Variants in COQ9 observed in about 807,000 individuals in gnomAD.
COQ9 encodes coenzyme Q9.
In COQ9, 35 loss-of-function variants were observed where a neutral mutation model predicts 42.4. That is an observed-to-expected ratio of 0.83 (90% confidence interval 0.63 to 1.10). The LOEUF (loss-of-function observed/expected upper bound fraction) is 1.10. Ranked by LOEUF, COQ9 falls within the 50% of genes least tolerant of loss-of-function variation. The pLI is 0.00. For missense variants in COQ9, 406 were observed against 414.6 expected, an observed-to-expected ratio of 0.98 and a Z score of 0.18; for synonymous variants, 155 against 155.1, an observed-to-expected ratio of 1.00 and a Z score of 0.00.
intron 1 of COQ9, 123 bp from the exon 2 acceptor site, chr16:57,450,917 C>A: frequency 9.1e-7 from 1 of 1,095,834 alleles, no homozygotes; most frequent in Non-Finnish European, 1.4e-6. Context: ...GGACCCAACA[C>A]TTGGATAAGT....
At chr16:57,450,769 G>A in intron 1 of COQ9, 1 of 524,718 alleles carries the variant, frequency 1.9e-6, no homozygotes, top group South Asian at 2.1e-5. Context: ...GCACATTGGG[G>A]TGAAATTGTT....
At position 57,456,599 on chromosome 16, in the gene COQ9, A is replaced by G; in HGVS notation, c.474A>G (p.Thr158=). The G allele has an allele frequency of 1.9e-6, 3 of 1,614,156 alleles. No individual in the cohort carries two copies. The highest frequency in any genetic ancestry group is 2.5e-6 in the Non-Finnish European group (3 of 1,180,022). ...TGACCCAGTGCAATACCCGGCTCAC[A>G]CGTGTGCTAGAAGAGGAGCAGAAGC... ...HFVTQCNTRL[T]RVLEEEQKLV... The change falls in exon 4 of 9, where the codon ACA becomes ACG. Residue 158 remains threonine, a synonymous_variant. Coordinates refer to ENST00000262507, the MANE Select transcript of COQ9 (RefSeq NM_020312.4).
chr16:57,455,943 G>C (rs2030392743), intron 3 of COQ9, among the ~76,000 whole-genome samples: 1 of 152,082 alleles, frequency 6.6e-6, no homozygotes, highest in African/African-American at 2.4e-5. Context: ...GCCAGATGCG[G>C]TGGCGCATAC....
intron 1 of COQ9, among the ~76,000 whole-genome samples, chr16:57,449,650 T>TAC (rs1196124110): frequency 2.3e-4 from 35 of 152,090 alleles, no homozygotes; most frequent in South Asian, 6.2e-4. Flanking sequence ...TATATATATA[T>TAC]ACACACACAT....
rs762508784 is a variant in COQ9, at chr16:57,451,199, C to T, written c.233C>T (p.Ser78Leu). Residue 78 changes from serine (S) to leucine (L), a missense_variant, in exon 2 of 9, where the codon TCA (serine) becomes TTA (leucine). Physicochemically the swap from Ser to Leu is moderately radical, Grantham distance 145 (BLOSUM62 -2). Transcript: ENST00000262507. The stretch of plus-strand genomic sequence containing the variant: ...AAACCTGATCCAGAGTCTTCTCATT[C>T]ACCCCCCAGGTAGGCACCAATCCAC... ...AEKPDPESSH[S>L]PPRYTDQGGE... 1 of 1,614,216 alleles carries T rather than the reference C, an allele frequency of 6.2e-7. No individual in the cohort carries two copies. The highest frequency in any genetic ancestry group is 1.7e-5 in the Admixed American group (1 of 60,026).
chr16:57,459,740 T>A lies in COQ9; in HGVS notation c.867+20T>A. 1 of 1,613,776 alleles carries A rather than the reference T, an allele frequency of 6.2e-7. No individual in the cohort carries two copies. The highest frequency in any genetic ancestry group is 8.5e-7 in the Non-Finnish European group (1 of 1,179,690). ...AAGCAGGTAGGTGGGGACTAGCCAT[T>A]GGGGAACCCTCTTTAGAAGGCATAC... On this transcript the variant is annotated intron_variant, in intron 7 of 8. Transcript: ENST00000262507.
At chr16:57,450,995 G>A in intron 1 of COQ9, 45 bp from the exon 2 acceptor site, 1 of 1,608,598 alleles carries the variant, frequency 6.2e-7, no homozygotes, top group Non-Finnish European at 8.5e-7. Context: ...GGTCTGAAAG[G>A]GTCTTCTCTG....
At position 57,451,162 on chromosome 16, in the gene COQ9, C is replaced by T. The variant is rs770175074; in HGVS notation, c.196C>T (p.Gln66Ter). The change falls in exon 2 of 9, where the codon CAG (glutamine) becomes TAG (stop). Residue 66 changes from glutamine to a stop codon, truncating the protein, a stop_gained. Transcript: ENST00000262507. LOFTEE classifies it high-confidence loss of function. ...ATTTTCTCAGCAGCATTCTGAGACA[C>T]AGGGGGCAGAAAAACCTGATCCAGA... The part of the protein sequence containing the change: ...NSFSQQHSET[Q>*]GAEKPDPESS... 1 of 1,614,096 alleles carries T rather than the reference C, an allele frequency of 6.2e-7. No individual in the cohort carries two copies. The highest frequency in any genetic ancestry group is 1.3e-5 in the African/African-American group (1 of 74,928).
At chr16:57,458,047 C>A (rs769413012) in intron 5 of COQ9, 199 bp from the exon 6 acceptor site, 2 of 611,818 alleles carry the variant, frequency 3.3e-6, no homozygotes, top group African/African-American at 1.8e-5. Flanking sequence ...TTGCATAAGA[C>A]GGGGCTATGC....
intron 6 of COQ9, among the ~76,000 whole-genome samples, chr16:57,459,166 T>G (rs2030471797): frequency 6.6e-6 from 1 of 152,214 alleles, no homozygotes; most frequent in South Asian, 2.1e-4. Flanking sequence ...CAGCCCTCAC[T>G]TTATTGATGA....
At chr16:57,458,058 C>T in intron 5 of COQ9, 188 bp from the exon 6 acceptor site, 1 of 634,612 alleles carries the variant, frequency 1.6e-6, no homozygotes, top group Non-Finnish European at 2.9e-6. Context: ...GGGGCTATGC[C>T]CCTGGCTCTC....
Position 57,458,350 on chromosome 16 carries a change from T to C in COQ9, c.711T>C (p.Asp237=), listed in dbSNP as rs764133692. Residue 237 remains aspartate (D), a splice_region_variant and synonymous_variant, in exon 6 of 9, where the codon GAT becomes GAC. Coordinates refer to ENST00000262507, the MANE Select transcript of COQ9 (RefSeq NM_020312.4). The stretch of plus-strand genomic sequence containing the variant: ...ATTACGCTGGGGACCAGTCCACTGA[T>C]GTGAGTGCTTTCTGCAGGCCCACAG... ...MWHYAGDQST[D]FNWYTRRAML... 3 of 1,604,656 alleles carry C rather than the reference T, an allele frequency of 1.9e-6. No individual in the cohort carries two copies. Among genetic ancestry groups the C allele is most frequent in the African/African-American group, 2.7e-5 (2 of 74,706 alleles).
In COQ9 at chr16:57,457,139, A is replaced by G. The variant is rs2030425162; in HGVS notation, c.606+124A>G. 5.0e-6 allele frequency: 4 copies of G among 795,098 alleles called. No homozygotes were observed. The East Asian group carries it at 1.1e-4, about 21-fold the overall frequency. The allele number at this position is 795,098 out of a possible 1,614,324, so 49.3% of individuals were successfully genotyped here. On this transcript the variant is annotated intron_variant, in intron 5 of 8. Transcript: ENST00000262507. ...TAGCTTCTCAATCTCTATAAACCCGACAATACTTAGTACACTTGGTAAAGC... is the reference window on the plus strand; with the variant it reads ...TAGCTTCTCAATCTCTATAAACCCGGCAATACTTAGTACACTTGGTAAAGC...
chr16:57,454,080 A>G (rs530033266), intron 3 of COQ9: 1 of 152,334 alleles, frequency 6.6e-6, no homozygotes, highest in South Asian at 2.1e-4. Context: ...GGACCCGATC[A>G]TTAGATCAGG....
intron 5 of COQ9, chr16:57,457,407 T>C (rs1897336599): frequency 2.9e-6 from 1 of 344,438 alleles, no homozygotes; most frequent in African/African-American, 2.1e-5. Flanking sequence ...AGCACTGGGA[T>C]TTGTCAATTG....
At chr16:57,450,675 CACTTTT>C in intron 1 of COQ9, 2 of 327,840 alleles carry the variant, frequency 6.1e-6, no homozygotes, top group South Asian at 5.6e-5. Flanking sequence ...ATTTGCAAGC[CACTTTT>C]ACTTTTTGTT....
chr16:57,456,962 G>A lies in COQ9; in HGVS notation c.553G>A (p.Ala185Thr). 1 of 1,614,114 alleles carries A rather than the reference G, an allele frequency of 6.2e-7. No homozygotes were observed. The stretch of plus-strand genomic sequence containing the variant: ...GAAGACAGACCAGTTCCTGAGGGAT[G>A]CAGTGGAAACCAGACTGAGAATGCT... Reference protein sequence around the residue: ...KRKTDQFLRDAVETRLRMLIP... With the variant: ...KRKTDQFLRDTVETRLRMLIP... The change falls in exon 5 of 9, where the codon GCA (alanine) becomes ACA (threonine). Residue 185 changes from alanine (A) to threonine (T), a missense_variant. Coordinates refer to ENST00000262507, the MANE Select transcript of COQ9 (RefSeq NM_020312.4).
In COQ9 at chr16:57,460,925, G is replaced by A. The variant is rs914235589; in HGVS notation, c.*301G>A. On this transcript the variant is annotated 3_prime_UTR_variant, in exon 9 of 9. Transcript: ENST00000262507. The stretch of plus-strand genomic sequence containing the variant: ...CAAGCAGTCAAGCCACAGAAACCCA[G>A]CATGTCCCTGTCACAATCTCATGGG... The A allele has an allele frequency of 4.8e-5, 20 of 415,396 alleles. No homozygotes were observed. The highest frequency in any genetic ancestry group is 3.7e-4 in the African/African-American group (18 of 49,004). The allele number at this position is 415,396 out of a possible 1,614,324, so 25.7% of individuals were successfully genotyped here.
At chr16:57,451,586 T>C (rs1567578238) in intron 2 of COQ9, among the ~76,000 whole-genome samples, 4 of 152,344 alleles carry the variant, frequency 2.6e-5, no homozygotes, top group Middle Eastern at 3.4e-3. Flanking sequence ...TATCCAAAAT[T>C]ACAGAGATAA....
Sources: gnomAD v4.1 joint callset for allele counts (sites outside exome capture counted in the v4.1 genomes callset) on GRCh38, gnomAD v4.1.1 for gene constraint, MANE v1.5 for transcripts, NCBI Gene and HGNC (gene_info 2026-07-23, HGNC 2026-07-21) for gene names.